TBC1D5: variants seen among roughly 807,000 people sequenced by gnomAD.
TBC1D5 encodes the protein TBC1 domain family member 5, also known as TBC1 domain family, member 5.
Under a neutral mutation model 100.3 loss-of-function variants are expected in TBC1D5, and 75 were observed. That is an observed-to-expected ratio of 0.75 (90% CI 0.62 to 0.91). The LOEUF is 0.91. TBC1D5 is among the 40% of genes least tolerant of loss of function. The pLI is 0.00. For synonymous variants in TBC1D5, 323 were observed against 325.6 expected, an observed-to-expected ratio of 0.99 and a Z score of 0.09; for missense variants, 910 against 942.4, an observed-to-expected ratio of 0.97 and a Z score of 0.45.
In TBC1D5 at chr3:17,694,242, G is replaced by A. The variant is rs551939792; in HGVS notation, c.-101+45101C>T. Among the ~76,000 whole-genome samples, 235 of 152,280 alleles carry A rather than the reference G, an allele frequency of 1.5e-3. 1 individual carries two copies. The highest frequency in any genetic ancestry group is 2.7e-3 in the Non-Finnish European group (184 of 68,012). ...AATGGAATAAAGCTGTACAGAGAAC[G>A]ACTTTGACAAGTTGACAGAAGTAGG... On this transcript the variant is annotated intron_variant, in intron 1 of 21. Coordinates refer to ENST00000253692, the Ensembl canonical transcript of TBC1D5.
chr3:17,246,231 T>C (rs1030338377), intron 16 of TBC1D5, among the ~76,000 whole-genome samples: 5 of 152,160 alleles, frequency 3.3e-5, no homozygotes, highest in African/African-American at 7.2e-5. Context: ...AAGGAATATA[T>C]TTTTTCTTAA....
intron 1 of TBC1D5, 146 bp from the exon 2 acceptor site, chr3:17,624,059 G>A (rs959195741): frequency 1.6e-4 from 24 of 152,040 alleles, no homozygotes; most frequent in Non-Finnish European, 3.1e-4. Flanking sequence ...TTTCTAGAAC[G>A]TATTTTGTGT....
chr3:17,564,804 C>G (rs1022017330), intron 2 of TBC1D5, among the ~76,000 whole-genome samples: 1 of 151,992 alleles, frequency 6.6e-6, no homozygotes, highest in Non-Finnish European at 1.5e-5. Context: ...TCATGATGAC[C>G]TGAACATCCT....
chr3:17,705,072 C>T (rs1577651094), intron 1 of TBC1D5, among the ~76,000 whole-genome samples: 1 of 126,804 alleles, frequency 7.9e-6, no homozygotes, highest in Non-Finnish European at 1.7e-5. Context: ...ACCTCCCTCC[C>T]GGACGGCACG....
intron 1 of TBC1D5, among the ~76,000 whole-genome samples, chr3:17,729,394 T>C (rs2076379182): frequency 6.7e-6 from 1 of 149,764 alleles, no homozygotes; most frequent in East Asian, 1.9e-4. Context: ...TTAAGTTACA[T>C]GCTCAATTAA....
intron 1 of TBC1D5, among the ~76,000 whole-genome samples, chr3:17,659,656 T>G (rs1302044868): frequency 6.6e-6 from 1 of 152,082 alleles, no homozygotes; most frequent in African/African-American, 2.4e-5. Flanking sequence ...AACACAGCCT[T>G]TCATTCTTCA....
rs142529083 is a variant in TBC1D5, at chr3:17,206,579, G to A, written c.1752+7628C>T. Reference sequence around the variant, plus strand: ...TTATATTTGTATGACCATAGTATACGTTCAAACTACCAAAGGGCAATGACG... The same window carrying A: ...TTATATTTGTATGACCATAGTATACATTCAAACTACCAAAGGGCAATGACG... On this transcript the variant is annotated intron_variant, in intron 18 of 21. Coordinates refer to ENST00000253692, the Ensembl canonical transcript of TBC1D5. Among the ~76,000 whole-genome samples, 152 of 152,258 alleles carry A rather than the reference G, an allele frequency of 1.0e-3. 2 individuals are homozygous for A. In the East Asian group the frequency reaches 0.022, roughly 22 times the overall value.
intron 1 of TBC1D5, among the ~76,000 whole-genome samples, chr3:17,644,779 G>T (rs1448094489): frequency 6.6e-6 from 1 of 151,998 alleles, no homozygotes; most frequent in Non-Finnish European, 1.5e-5. Context: ...ATGGATATTT[G>T]GGAGACAAAA....
intron 13 of TBC1D5, among the ~76,000 whole-genome samples, chr3:17,347,777 TC>T (rs1167305689): frequency 3.3e-5 from 5 of 152,044 alleles, no homozygotes; most frequent in Admixed American, 2.6e-4. Flanking sequence ...GGTGGGAGAA[TC>T]ACTTGAGCCC....
chr3:17,366,667 G>C (rs1451245881), intron 13 of TBC1D5, among the ~76,000 whole-genome samples: 1 of 152,034 alleles, frequency 6.6e-6, no homozygotes. Flanking sequence ...AAACTGTTGA[G>C]AGATATAATC....
intron 2 of TBC1D5, among the ~76,000 whole-genome samples, chr3:17,590,237 A>C (rs1435844954): frequency 6.6e-6 from 1 of 152,228 alleles, no homozygotes; most frequent in Non-Finnish European, 1.5e-5. Flanking sequence ...AATGTACATT[A>C]AGGGTGTAGG....
At chr3:17,580,744 C>G (rs73026500) in intron 2 of TBC1D5, among the ~76,000 whole-genome samples, 83 of 152,264 alleles carry the variant, frequency 5.5e-4, no homozygotes, top group Non-Finnish European at 9.6e-4. Flanking sequence ...TTAACTTCAC[C>G]TATAAATAAG....
At chr3:17,649,478 A>G (rs2065328284) in intron 1 of TBC1D5, among the ~76,000 whole-genome samples, 1 of 152,288 alleles carries the variant, frequency 6.6e-6, no homozygotes, top group South Asian at 2.1e-4. Context: ...AATAAAAGTT[A>G]AAAAATAAAA....
At chr3:17,392,172 G>C (rs114523500) in intron 8 of TBC1D5, among the ~76,000 whole-genome samples, 3,111 of 152,096 alleles carry the variant, frequency 0.02, 92 homozygotes, top group African/African-American at 0.07. Flanking sequence ...ATGCCACAGA[G>C]AACCCTTCAG....
At chr3:17,722,148 C>T (rs1053386465) in intron 1 of TBC1D5, among the ~76,000 whole-genome samples, 6 of 152,134 alleles carry the variant, frequency 3.9e-5, no homozygotes, top group African/African-American at 1.4e-4. Context: ...TTACTATCAA[C>T]GTCCTTAACT....
At chr3:17,727,805 A>G (rs549750171) in intron 1 of TBC1D5, among the ~76,000 whole-genome samples, 3 of 152,352 alleles carry the variant, frequency 2.0e-5, no homozygotes, top group Admixed American at 6.5e-5. Context: ...GAAACCTGTA[A>G]AACAGTGATG....
intron 18 of TBC1D5, among the ~76,000 whole-genome samples, chr3:17,187,094 A>T (rs543586413): frequency 5.3e-5 from 8 of 152,170 alleles, no homozygotes; most frequent in Non-Finnish European, 1.2e-4. Flanking sequence ...TAGGAATTAG[A>T]GAAAGAAGGC....
At chr3:17,328,952 A>C (rs768122308) in intron 13 of TBC1D5, among the ~76,000 whole-genome samples, 3 of 152,234 alleles carry the variant, frequency 2.0e-5, no homozygotes, top group Non-Finnish European at 4.4e-5. Context: ...ATAGTTTTAA[A>C]AAGGAAATGT....
At chr3:17,162,359 C>T (rs757549116) in intron 21 of TBC1D5, among the ~76,000 whole-genome samples, 5 of 152,240 alleles carry the variant, frequency 3.3e-5, no homozygotes, top group Non-Finnish European at 7.3e-5. Flanking sequence ...TGAGTAACAG[C>T]TCTCAGGGAA....
Sources: gnomAD v4.1 joint callset for allele counts (sites outside exome capture counted in the v4.1 genomes callset) on GRCh38, gnomAD v4.1.1 for gene constraint, MANE v1.5 for transcripts, NCBI Gene and HGNC (gene_info 2026-07-23, HGNC 2026-07-21) for gene names.